The following GPI variants were observed in gnomAD, a reference collection of about 807,000 sequenced individuals.
GPI encodes glucose-6-phosphate isomerase, also known as D-hexose-6-phosphate anomerase.
A neutral mutation model predicts 75.8 loss-of-function variants in GPI; 56 were observed. That is an observed-to-expected ratio of 0.74 (90% CI 0.60 to 0.92). The LOEUF (loss-of-function observed/expected upper bound fraction) is 0.92. Ranked by LOEUF, GPI falls within the 40% of genes least tolerant of loss-of-function variation. The pLI, the probability that GPI is intolerant of heterozygous loss-of-function variation, is 0.00. For synonymous variants in GPI, 288 were observed against 285.4 expected, an observed-to-expected ratio of 1.01 and a Z score of -0.09; for missense variants, 638 against 741.0, an observed-to-expected ratio of 0.86 and a Z score of 1.61.
chr19:34,379,999 T>TG, intron 8 of GPI: 7 of 208,622 alleles, frequency 3.4e-5, no homozygotes, highest in Non-Finnish European at 5.6e-5. Flanking sequence ...TGTTTTTTTT[T>TG]TTTTTTTTTT....
chr19:34,359,723 TCCTCTGCCCCAGTC>T (rs761599407), exon 1 of GPI: 3 of 152,684 alleles, frequency 2.0e-5, no homozygotes, highest in Non-Finnish European at 4.4e-5. Context: ...ACCCCACCAG[TCCTCTGCCCCAGTC>T]CCTCTGCCTT....
chr19:34,364,684 C>T (rs2074327558), upstream of GPI: 5 of 370,688 alleles, frequency 1.3e-5, no homozygotes, highest in East Asian at 1.6e-4. Context: ...GGCCTAGTCA[C>T]TTTTTTCTTA....
chr19:34,369,577 T>TA (rs985747012), intron 4 of GPI, among the ~76,000 whole-genome samples: 1 of 151,850 alleles, frequency 6.6e-6, no homozygotes, highest in Non-Finnish European at 1.5e-5. Flanking sequence ...TTTGGTGACA[T>TA]ACGCCTGCAA....
chr19:34,377,685 C>T, intron 5 of GPI, 50 bp from the exon 6 acceptor site: 1 of 1,609,242 alleles, frequency 6.2e-7, no homozygotes, highest in Non-Finnish European at 8.5e-7. Context: ...GCTGTCTCCA[C>T]TTTTCGTGGG....
In GPI at chr19:34,393,653, G is replaced by T; in HGVS notation, c.866-75G>T. ...GCTCTCCATGCAGCCTTCCTTCGTT[G>T]CAGAAGGAGCTGTGCCCACTGCCCA... is the stretch of plus-strand genomic sequence containing the variant. On this transcript the variant is annotated intron_variant, in intron 10 of 17. Transcript: ENST00000356487. This position sits in a 1 kb window ranked among gnomAD's most constrained non-coding sequence, Gnocchi z 4.4. 1 of 1,395,710 alleles carries T rather than the reference G, an allele frequency of 7.2e-7. No individual in the cohort carries two copies. The highest frequency in any genetic ancestry group is 1.2e-5 in the South Asian group (1 of 86,712). 86.5% of individuals were successfully genotyped at this position (1,395,710 alleles called of 1,614,324 possible).
At chr19:34,386,020 A>G (rs1007696975) in intron 9 of GPI, among the ~76,000 whole-genome samples, 2 of 151,192 alleles carry the variant, frequency 1.3e-5, no homozygotes, top group South Asian at 4.2e-4. Flanking sequence ...CAGGGTAAGC[A>G]CAGGTAGGCA....
chr19:34,394,417 G>C (rs1330222877), intron 12 of GPI, among the ~76,000 whole-genome samples: 1 of 144,688 alleles, frequency 6.9e-6, no homozygotes, highest in Non-Finnish European at 1.5e-5. Flanking sequence ...ATCTAGCCCT[G>C]GTATGAGGCC....
At chr19:34,374,399 A>G (rs1367228698) in intron 4 of GPI, among the ~76,000 whole-genome samples, 1 of 152,180 alleles carries the variant, frequency 6.6e-6, no homozygotes, top group Non-Finnish European at 1.5e-5. Flanking sequence ...TCACCATCTT[A>G]GAAGGTGGGG....
At chr19:34,377,633 T>G (rs747253839) in intron 5 of GPI, 47 bp downstream of exon 5, 10 of 1,579,664 alleles carry the variant, frequency 6.3e-6, no homozygotes, top group Non-Finnish European at 8.7e-6. Context: ...TGGGCACTGT[T>G]GGTCCCACTC....
intron 4 of GPI, among the ~76,000 whole-genome samples, chr19:34,370,737 C>A (rs900942736): frequency 1.0e-4 from 15 of 150,570 alleles, no homozygotes; most frequent in East Asian, 3.9e-4. Flanking sequence ...AAAAAAAAAA[C>A]CAACAAAAAA....
At chr19:34,381,622 T>C in intron 9 of GPI, 103 bp downstream of exon 9, 3 of 850,910 alleles carry the variant, frequency 3.5e-6, no homozygotes, top group South Asian at 2.6e-5. Context: ...GAGTACCTGC[T>C]GCATACCTAG....
At chr19:34,373,765 G>T (rs2074491001) in intron 4 of GPI, among the ~76,000 whole-genome samples, 4 of 152,074 alleles carry the variant, frequency 2.6e-5, no homozygotes, top group African/African-American at 9.7e-5. Flanking sequence ...TAAGGATGTG[G>T]TCATTTGAAG....
chr19:34,377,599 C>T lies in GPI; in HGVS notation c.486+13C>T, dbSNP rs2074567590. The T allele has an allele frequency of 1.9e-6, 3 of 1,608,166 alleles. No homozygotes were observed. Among genetic ancestry groups the T allele is most frequent in the East Asian group, 4.5e-5 (2 of 44,828 alleles). ...CGGCTCCGACCTGGTGAGGAGAAAA[C>T]TGCCTTGGGGTAGGGTGGGAGTCTG... On this transcript the variant is annotated intron_variant, in intron 5 of 17. Transcript: ENST00000356487.
chr19:34,377,568 C>T lies in GPI; in HGVS notation c.468C>T (p.Gly156=), dbSNP rs749152201. The T allele has an allele frequency of 1.9e-6, 3 of 1,612,730 alleles. No individual in the cohort carries two copies. In the Admixed American group the frequency reaches 5.0e-5, roughly 27 times the overall value. ...CCATCACGGACGTCATCAACATTGG[C>T]ATTGGCGGCTCCGACCTGGTGAGGA... The part of the protein sequence containing the change: ...GKTITDVINI[G]IGGSDLGPLM... Residue 156 remains glycine (G), a synonymous_variant, in exon 5 of 18, where the codon GGC becomes GGT. Coordinates refer to ENST00000356487, the MANE Select transcript of GPI (RefSeq NM_000175.5).
At position 34,400,040 on chromosome 19, in the gene GPI, C is replaced by T. The variant is rs760270312; in HGVS notation, c.*4C>T. The stretch of plus-strand genomic sequence containing the variant: ...GCGCGAGGCCAGAGTCCAATAAACT[C>T]GTGCTCATCTGCAGCCTCCTCTGTG... On this transcript the variant is annotated 3_prime_UTR_variant, in exon 18 of 18. Coordinates refer to ENST00000356487, the MANE Select transcript of GPI (RefSeq NM_000175.5). The T allele has an allele frequency of 9.9e-6, 16 of 1,610,242 alleles. No homozygotes were observed. Among genetic ancestry groups the T allele is most frequent in the East Asian group, 8.9e-5 (4 of 44,882 alleles).
At position 34,399,798 on chromosome 19, in the gene GPI, C is replaced by G. The variant is rs1226244123; in HGVS notation, c.1541+13C>G. Reference sequence around the variant, plus strand: ...TTGACCAGTGGGGGTGAGTTGCTCACTTAGGGGAGGGCCGGGAATACCTTT... The same window carrying G: ...TTGACCAGTGGGGGTGAGTTGCTCAGTTAGGGGAGGGCCGGGAATACCTTT... On this transcript the variant is annotated intron_variant, in intron 17 of 17. Transcript: ENST00000356487. 1 of 1,613,848 alleles carries G rather than the reference C, an allele frequency of 6.2e-7. No individual in the cohort carries two copies. The highest frequency in any genetic ancestry group is 1.3e-5 in the African/African-American group (1 of 75,000).
chr19:34,370,711 T>G, intron 4 of GPI, among the ~76,000 whole-genome samples: 1 of 149,350 alleles, frequency 6.7e-6, no homozygotes, highest in South Asian at 2.1e-4. Context: ...GGTGACAGAG[T>G]GAGGCTCTGT....
chr19:34,390,911 T>C (rs921972354), intron 9 of GPI, among the ~76,000 whole-genome samples: 2 of 116,158 alleles, frequency 1.7e-5, no homozygotes, highest in Non-Finnish European at 3.7e-5. Flanking sequence ...CTGGCACAGG[T>C]ATGAGGATCT....
chr19:34,364,871 G>A, upstream of GPI: 2 of 1,058,128 alleles, frequency 1.9e-6, no homozygotes, highest in Non-Finnish European at 2.7e-6. Context: ...TCGAATGAAT[G>A]AATGAAGCCG....
Sources: gnomAD v4.1 joint callset for allele counts (sites outside exome capture counted in the v4.1 genomes callset) on GRCh38, gnomAD v4.1.1 for gene constraint, Gnocchi (gnomAD v3.1) non-coding constraint, MANE v1.5 for transcripts, NCBI Gene and HGNC (gene_info 2026-07-23, HGNC 2026-07-21) for gene names.